Variants in B3GALT1 observed in about 807,000 individuals in gnomAD.
The protein encoded by B3GALT1 is UDP-Gal:betaGlcNAc beta 1,3-galactosyltransferase, polypeptide 1.
B3GALT1 carries 10 observed loss-of-function variants against 23.2 expected under a neutral mutation model. The observed-to-expected ratio is 0.43, with a 90% CI of 0.27 to 0.73. The LOEUF is 0.73. Ranked by LOEUF, B3GALT1 falls within the 30% of genes least tolerant of loss-of-function variation. B3GALT1 has a pLI of 0.21. For missense variants in B3GALT1, 299 were observed against 405.4 expected (o/e 0.74, Z 2.25); for synonymous variants, 156 against 141.5 (o/e 1.10, Z -0.73).
intron 1 of B3GALT1, among the ~76,000 whole-genome samples, chr2:167,418,071 T>G (rs1698495306): frequency 6.6e-6 from 1 of 152,212 alleles, no homozygotes; most frequent in Non-Finnish European, 1.5e-5. Flanking sequence ...CGCTTAGAGA[T>G]TGCATGTGAC....
intron 1 of B3GALT1, among the ~76,000 whole-genome samples, chr2:167,327,529 T>C (rs1696914029): frequency 6.6e-6 from 1 of 152,142 alleles, no homozygotes. Flanking sequence ...GGCTATTTCA[T>C]TATAGGTGTA....
chr2:167,843,458 T>A (rs986330910), intron 4 of B3GALT1, among the ~76,000 whole-genome samples: 5 of 152,166 alleles, frequency 3.3e-5, no homozygotes, highest in Non-Finnish European at 5.9e-5. Context: ...TCAGGTCAAA[T>A]CATTATTCTA....
At chr2:167,479,864 T>C (rs1046556867) in intron 1 of B3GALT1, among the ~76,000 whole-genome samples, 2 of 152,048 alleles carry the variant, frequency 1.3e-5, no homozygotes, top group African/African-American at 2.4e-5. Context: ...GGCTTTCAAA[T>C]AGTTTTGTGG....
intron 1 of B3GALT1, among the ~76,000 whole-genome samples, chr2:167,318,396 G>A (rs2105491117): frequency 6.6e-6 from 1 of 152,086 alleles, no homozygotes; most frequent in East Asian, 1.9e-4. Flanking sequence ...GTTTACTGAA[G>A]TTCCATTCCC....
At chr2:167,479,756 C>T (rs531999222) in intron 1 of B3GALT1, among the ~76,000 whole-genome samples, 4 of 152,046 alleles carry the variant, frequency 2.6e-5, no homozygotes, top group Admixed American at 1.3e-4. Flanking sequence ...ACCAGTTCAC[C>T]GAGACCGTGG....
At chr2:167,335,432 T>C (rs1462186157) in intron 1 of B3GALT1, among the ~76,000 whole-genome samples, 1 of 152,080 alleles carries the variant, frequency 6.6e-6, no homozygotes, top group Non-Finnish European at 1.5e-5. Context: ...ATTAAGGAAG[T>C]AAAAGAATAA....
intron 3 of B3GALT1, among the ~76,000 whole-genome samples, chr2:167,753,640 A>G (rs979133923): frequency 2.0e-5 from 3 of 152,134 alleles, no homozygotes; most frequent in African/African-American, 7.2e-5. Context: ...GGACTCACCA[A>G]ATGGTTTGTC....
intron 1 of B3GALT1, among the ~76,000 whole-genome samples, chr2:167,406,540 A>T (rs934498237): frequency 6.6e-6 from 1 of 152,136 alleles, no homozygotes; most frequent in East Asian, 1.9e-4. Context: ...CTCAATTCAC[A>T]GTTTATGTAC....
intron 1 of B3GALT1, among the ~76,000 whole-genome samples, chr2:167,324,153 A>G (rs188046216): frequency 6.6e-6 from 1 of 152,206 alleles, no homozygotes; most frequent in East Asian, 1.9e-4. Flanking sequence ...TTCAGAGTGA[A>G]CACTAATATT....
intron 3 of B3GALT1, among the ~76,000 whole-genome samples, chr2:167,654,419 G>C (rs886494993): frequency 6.6e-6 from 1 of 152,108 alleles, no homozygotes; most frequent in East Asian, 1.9e-4. Context: ...GAGTGGGAAG[G>C]GGGAGCTAAA....
intron 2 of B3GALT1, among the ~76,000 whole-genome samples, chr2:167,566,350 T>G (rs1456812657): frequency 3.3e-5 from 5 of 150,804 alleles, no homozygotes; most frequent in African/African-American, 4.9e-5. Flanking sequence ...GGGGACTGTT[T>G]TGGGGTGGGG....
chr2:167,343,439 G>C (rs1033612034), intron 1 of B3GALT1, among the ~76,000 whole-genome samples: 3 of 152,142 alleles, frequency 2.0e-5, no homozygotes, highest in Admixed American at 6.6e-5. Flanking sequence ...CAGAAAATCA[G>C]TTACAGGTGG....
chr2:167,714,323 G>T (rs2105521249), intron 3 of B3GALT1: 1 of 1,493,224 alleles, frequency 6.7e-7, no homozygotes, highest in Non-Finnish European at 9.3e-7. Context: ...AGCATCAGTT[G>T]ACCTATCACA....
chr2:167,513,753 C>T (rs917812928), intron 2 of B3GALT1, among the ~76,000 whole-genome samples: 1 of 151,858 alleles, frequency 6.6e-6, no homozygotes, highest in East Asian at 1.9e-4. Context: ...TGAAAACACC[C>T]ATCATAAAAA....
intron 3 of B3GALT1, among the ~76,000 whole-genome samples, chr2:167,808,963 C>A (rs891752787): frequency 9.2e-5 from 14 of 152,320 alleles, no homozygotes; most frequent in African/African-American, 3.4e-4. Flanking sequence ...TCCCATATTT[C>A]TTGGAGGCTT....
At chr2:167,698,461 C>G (rs1316605256) in intron 3 of B3GALT1, among the ~76,000 whole-genome samples, 4 of 152,172 alleles carry the variant, frequency 2.6e-5, no homozygotes, top group Middle Eastern at 6.8e-3. Flanking sequence ...CTCAAAGTCC[C>G]TCACTTTACA....
intron 1 of B3GALT1, among the ~76,000 whole-genome samples, chr2:167,294,775 C>A (rs2105475717): frequency 6.6e-6 from 1 of 152,242 alleles, no homozygotes; most frequent in African/African-American, 2.4e-5. Context: ...TACAGGGAGG[C>A]GGATCTTGAA....
intron 2 of B3GALT1, among the ~76,000 whole-genome samples, chr2:167,626,955 A>G (rs1574176226): frequency 1.3e-5 from 2 of 151,854 alleles, no homozygotes; most frequent in South Asian, 2.1e-4. Context: ...ACACAAAGCA[A>G]TTATCACAGT....
At chr2:167,798,699 T>A (rs1688582896) in intron 3 of B3GALT1, among the ~76,000 whole-genome samples, 1 of 152,200 alleles carries the variant, frequency 6.6e-6, no homozygotes, top group Admixed American at 6.5e-5. Context: ...TGTAGTATAG[T>A]TTGAAATCAG....
Sources: gnomAD v4.1 joint callset for allele counts (sites outside exome capture counted in the v4.1 genomes callset) on GRCh38, gnomAD v4.1.1 for gene constraint, MANE v1.5 for transcripts, NCBI Gene and HGNC (gene_info 2026-07-23, HGNC 2026-07-21) for gene names.